Variants in CCDC134 observed in about 807,000 individuals in gnomAD.
CCDC134 encodes coiled-coil domain-containing protein 134.
CCDC134 carries 27 observed loss-of-function variants against 25.6 expected under a neutral mutation model. The observed-to-expected ratio is 1.05, with a 90% CI of 0.78 to 1.45. CCDC134 has a LOEUF of 1.45. Ranked by LOEUF, CCDC134 falls within the 40% of genes most tolerant of loss-of-function variation. CCDC134 has a pLI of 0.00. For missense variants in CCDC134, 261 were observed against 286.7 expected (o/e 0.91, Z 0.65); for synonymous variants, 110 against 115.0 (o/e 0.96, Z 0.28).
At chr22:41,817,871 AGGAG>A (rs2076630341) in intron 6 of CCDC134, among the ~76,000 whole-genome samples, 2 of 152,198 alleles carry the variant, frequency 1.3e-5, no homozygotes, top group African/African-American at 4.8e-5. Flanking sequence ...GCTGTTAGGA[AGGAG>A]TGTCATCCAA....
At chr22:41,823,189 G>C (rs551893254) in intron 6 of CCDC134, among the ~76,000 whole-genome samples, 2 of 150,226 alleles carry the variant, frequency 1.3e-5, no homozygotes, top group African/African-American at 4.9e-5. Context: ...AGTTACTACA[G>C]CATATTTCTG....
intron 6 of CCDC134, among the ~76,000 whole-genome samples, chr22:41,819,818 G>A (rs760126315): frequency 1.3e-5 from 2 of 151,528 alleles, no homozygotes; most frequent in African/African-American, 2.4e-5. Context: ...TGCAAAGGCT[G>A]TGAGTTGGAA....
Position 41,825,704 on chromosome 22 carries a change from C to T in CCDC134, c.571C>T (p.Pro191Ser). ...GCTCTTCTCTTCCCTTCAGTTCATT[C>T]CCAGCACTGACCCTTTCCAGAAGGC... The part of the protein sequence containing the change: ...PFKIDRTEFI[P>S]STDPFQKALR... The change falls in exon 7 of 7, where the codon CCC (proline) becomes TCC (serine). Residue 191 changes from proline to serine, a missense_variant. Pro to Ser is a moderately conservative substitution (Grantham distance 74). Transcript: ENST00000255784. The surrounding 1 kb of genome is among the most constrained non-coding windows in gnomAD (Gnocchi z 4.4). 1 of 1,614,074 alleles carries T rather than the reference C, an allele frequency of 6.2e-7. No individual in the cohort carries two copies. The highest frequency in any genetic ancestry group is 8.5e-7 in the Non-Finnish European group (1 of 1,179,956).
chr22:41,813,502 C>T (rs982240473), intron 5 of CCDC134, 57 bp downstream of exon 5: 2 of 1,578,510 alleles, frequency 1.3e-6, no homozygotes, highest in Non-Finnish European at 1.7e-6. Flanking sequence ...GGACTAGGAT[C>T]CTCACATCTG....
rs1234720556 is a variant in CCDC134 at position 41,830,802 on chromosome 22, A to G, written c.*4979A>G. On this transcript the variant is annotated 3_prime_UTR_variant, in exon 7 of 7. Coordinates refer to ENST00000255784, the MANE Select transcript of CCDC134 (RefSeq NM_024821.5). ...CCCAAATCTCACTACTCCTGTAACT[A>G]TGTCTGACAGCCAGCTGTTGGGTCT... Among the ~76,000 whole-genome samples, 2 of 151,548 alleles carry G rather than the reference A, an allele frequency of 1.3e-5. No individual in the cohort carries two copies. The highest frequency in any genetic ancestry group is 2.9e-5 in the Non-Finnish European group (2 of 67,954).
chr22:41,817,234 G>C (rs1446956977), intron 6 of CCDC134, among the ~76,000 whole-genome samples: 1 of 152,144 alleles, frequency 6.6e-6, no homozygotes, highest in African/African-American at 2.4e-5. Context: ...CCACTCCTTG[G>C]TAGTGGGTAT....
chr22:41,812,081 A>G (rs1489904457), intron 4 of CCDC134, among the ~76,000 whole-genome samples: 1 of 152,142 alleles, frequency 6.6e-6, no homozygotes, highest in African/African-American at 2.4e-5. Flanking sequence ...GTAGTATTGT[A>G]TTGCTGTTAA....
At chr22:41,819,763 CTG>C (rs2076639772) in intron 6 of CCDC134, among the ~76,000 whole-genome samples, 1 of 151,558 alleles carries the variant, frequency 6.6e-6, no homozygotes, top group Non-Finnish European at 1.5e-5. Context: ...GAGGAGTCAT[CTG>C]TGTATCCCAA....
intron 6 of CCDC134, among the ~76,000 whole-genome samples, chr22:41,817,518 G>A (rs1374321342): frequency 6.6e-6 from 1 of 152,004 alleles, no homozygotes; most frequent in African/African-American, 2.4e-5. Flanking sequence ...GATTGCCTGA[G>A]GTCAGAAATT....
intron 1 of CCDC134, among the ~76,000 whole-genome samples, chr22:41,805,710 G>A (rs1040682123): frequency 4.6e-5 from 7 of 152,174 alleles, no homozygotes; most frequent in African/African-American, 1.7e-4. Context: ...CAGGAGGATT[G>A]CTTGAGCTCA....
intron 1 of CCDC134, among the ~76,000 whole-genome samples, chr22:41,807,389 C>T (rs1363432766): frequency 2.0e-5 from 3 of 151,908 alleles, no homozygotes; most frequent in Admixed American, 6.6e-5. Flanking sequence ...GTAGCAAAAC[C>T]CACGTCTAAG....
chr22:41,821,851 G>A (rs1160301785), intron 6 of CCDC134, among the ~76,000 whole-genome samples: 1 of 152,176 alleles, frequency 6.6e-6, no homozygotes, highest in Non-Finnish European at 1.5e-5. Flanking sequence ...AAATGGGTTG[G>A]TGGGTGTGGT....
intron 6 of CCDC134, among the ~76,000 whole-genome samples, chr22:41,817,891 G>A (rs1366130761): frequency 2.6e-5 from 4 of 152,248 alleles, no homozygotes; most frequent in African/African-American, 7.2e-5. Flanking sequence ...TCCAAGCAAG[G>A]GTGATACCTT....
At chr22:41,819,996 T>TAA (rs1556021008) in intron 6 of CCDC134, among the ~76,000 whole-genome samples, 29 of 132,362 alleles carry the variant, frequency 2.2e-4, no homozygotes, top group African/African-American at 8.9e-4. Context: ...TATATATATA[T>TAA]ATAATTTTTT....
At chr22:41,806,790 G>A (rs936994602) in intron 1 of CCDC134, among the ~76,000 whole-genome samples, 1 of 151,926 alleles carries the variant, frequency 6.6e-6, no homozygotes, top group African/African-American at 2.4e-5. Context: ...GCTCACGACT[G>A]TAATCCCAGC....
rs1258375288 is a variant in CCDC134, at chr22:41,828,672, CCT to C, written c.*2850_*2851del. On this transcript the variant is annotated 3_prime_UTR_variant, in exon 7 of 7. Coordinates refer to ENST00000255784, the MANE Select transcript of CCDC134 (RefSeq NM_024821.5). ...GTCTTACTGCAGACAGAGCCCACCCCCTGAGCTGTAAAGGCCCTAGGGCACAT... is the reference window on the plus strand; with the variant it reads ...GTCTTACTGCAGACAGAGCCCACCCCGAGCTGTAAAGGCCCTAGGGCACAT... Among the ~76,000 whole-genome samples the C allele has an allele frequency of 6.6e-6, 1 of 152,016 alleles. No homozygotes were observed. Among genetic ancestry groups the C allele is most frequent in the African/African-American group, 2.4e-5 (1 of 41,428 alleles).
rs1015082478 is a variant in CCDC134, at chr22:41,829,459, G to A, written c.*3636G>A. 3.3e-5 allele frequency among the ~76,000 whole-genome samples: 5 copies of A among 152,140 alleles called. No individual in the cohort carries two copies. Among genetic ancestry groups the A allele is most frequent in the East Asian group, 1.9e-4 (1 of 5,190 alleles). ...CGGTTACTACCTGATAATTCTCATC[G>A]CTTATGTTTCCAAAACCAAACTGGT... On this transcript the variant is annotated 3_prime_UTR_variant, in exon 7 of 7. Transcript: ENST00000255784.
chr22:41,803,627 G>C (rs181103914), intron 1 of CCDC134, among the ~76,000 whole-genome samples: 1 of 151,892 alleles, frequency 6.6e-6, no homozygotes, highest in Non-Finnish European at 1.5e-5. Context: ...AATTAGCCAG[G>C]CATGGTGATG....
chr22:41,809,127 C>T, intron 2 of CCDC134, 134 bp downstream of exon 2: 1 of 676,442 alleles, frequency 1.5e-6, no homozygotes, highest in East Asian at 2.7e-5. Flanking sequence ...TCTAGCCAGA[C>T]CTTGAGCAAG....
Sources: allele counts gnomAD v4.1 joint callset (sites outside exome capture counted in the v4.1 genomes callset), GRCh38; gene constraint gnomAD v4.1.1; non-coding constraint Gnocchi (gnomAD v3.1); transcripts MANE v1.5; gene names NCBI Gene and HGNC (gene_info 2026-07-23, HGNC 2026-07-21).